The following PXDNL variants were observed in gnomAD, a reference collection of about 807,000 sequenced individuals.
PXDNL encodes the protein peroxidasin like, also known as probable oxidoreductase PXDNL.
A neutral mutation model predicts 150.8 loss-of-function variants in PXDNL; 145 were observed. The ratio of observed to expected loss-of-function variants is 0.96; its 90% CI spans 0.84 to 1.10. The LOEUF is 1.10. Ranked by LOEUF, PXDNL falls within the 50% of genes least tolerant of loss-of-function variation. The pLI, the probability that PXDNL is intolerant of heterozygous loss-of-function variation, is 0.00. For synonymous variants in PXDNL, 757 were observed against 725.7 expected, an observed-to-expected ratio of 1.04 and a Z score of -0.69; for missense variants, 2,087 against 1,873.9, an observed-to-expected ratio of 1.11 and a Z score of -2.10.
chr8:51,511,716 C>A (rs904803674), intron 4 of PXDNL, among the ~76,000 whole-genome samples: 1 of 152,178 alleles, frequency 6.6e-6, no homozygotes, highest in Non-Finnish European at 1.5e-5. Context: ...ACATCAATCA[C>A]CAACCAATCA....
intron 17 of PXDNL, among the ~76,000 whole-genome samples, chr8:51,399,709 T>C (rs2130859745): frequency 6.6e-6 from 1 of 152,340 alleles, no homozygotes; most frequent in African/African-American, 2.4e-5. Flanking sequence ...TTAAAATGTG[T>C]GCATTGTACC....
At chr8:51,679,379 C>A (rs1252039060) in intron 1 of PXDNL, among the ~76,000 whole-genome samples, 1 of 152,168 alleles carries the variant, frequency 6.6e-6, no homozygotes, top group Non-Finnish European at 1.5e-5. Flanking sequence ...CCATGAGATA[C>A]TATGATACAT....
chr8:51,706,506 A>G (rs1816381460), intron 1 of PXDNL, among the ~76,000 whole-genome samples: 1 of 152,222 alleles, frequency 6.6e-6, no homozygotes, highest in African/African-American at 2.4e-5. Context: ...GTGAGAGCTA[A>G]AGCATGAAGA....
intron 2 of PXDNL, among the ~76,000 whole-genome samples, chr8:51,605,682 C>T (rs925841708): frequency 3.3e-5 from 5 of 151,906 alleles, no homozygotes; most frequent in African/African-American, 7.3e-5. Context: ...TGAATGTGTC[C>T]CCCAAAAGTT....
At chr8:51,638,157 T>C (rs375302309) in intron 2 of PXDNL, among the ~76,000 whole-genome samples, 7 of 152,118 alleles carry the variant, frequency 4.6e-5, no homozygotes, top group African/African-American at 1.7e-4. Flanking sequence ...TGCTGAGAGA[T>C]TTTGTCACCA....
chr8:51,356,217 G>C (rs1444228432), intron 19 of PXDNL, among the ~76,000 whole-genome samples: 3 of 152,170 alleles, frequency 2.0e-5, no homozygotes, highest in Non-Finnish European at 4.4e-5. Context: ...GGCTGGGTGG[G>C]GTGGCCCATG....
chr8:51,634,246 T>C (rs1007632134), intron 2 of PXDNL, among the ~76,000 whole-genome samples: 3 of 152,060 alleles, frequency 2.0e-5, no homozygotes, highest in Admixed American at 2.0e-4. Context: ...CTTTTCCCCA[T>C]TGTTTATTTT....
intron 20 of PXDNL, among the ~76,000 whole-genome samples, chr8:51,344,263 C>A (rs1042436632): frequency 7.9e-5 from 12 of 151,568 alleles, no homozygotes; most frequent in African/African-American, 2.9e-4. Context: ...TGCTACCATG[C>A]CCAGCTAATT....
intron 21 of PXDNL, among the ~76,000 whole-genome samples, chr8:51,321,468 C>G (rs1253799349): frequency 6.6e-6 from 1 of 152,080 alleles, no homozygotes; most frequent in South Asian, 2.1e-4. Flanking sequence ...GTGTCCCCAC[C>G]CAATCTCATG....
At chr8:51,595,830 G>GA (rs71910215) in intron 2 of PXDNL, among the ~76,000 whole-genome samples, 8 of 151,210 alleles carry the variant, frequency 5.3e-5, no homozygotes, top group South Asian at 2.1e-4. Flanking sequence ...AAAACTGTAG[G>GA]AAAAAAAAAG....
intron 2 of PXDNL, among the ~76,000 whole-genome samples, chr8:51,635,923 C>A (rs1814594857): frequency 6.6e-6 from 1 of 152,038 alleles, no homozygotes; most frequent in Non-Finnish European, 1.5e-5. Flanking sequence ...AGAGCAATAT[C>A]TTTTAGTAAT....
chr8:51,611,983 T>G (rs1200652015), intron 2 of PXDNL, among the ~76,000 whole-genome samples: 1 of 152,196 alleles, frequency 6.6e-6, no homozygotes, highest in African/African-American at 2.4e-5. Flanking sequence ...TGCAGGCAGA[T>G]CTGGAAAGAC....
chr8:51,786,949 C>T (rs2037465699), intron 1 of PXDNL, among the ~76,000 whole-genome samples: 1 of 152,134 alleles, frequency 6.6e-6, no homozygotes, highest in Admixed American at 6.5e-5. Flanking sequence ...ATTTTATTTA[C>T]CCTTCTTAAG....
chr8:51,448,941 TTA>T, intron 11 of PXDNL, 59 bp downstream of exon 11: 1 of 824,992 alleles, frequency 1.2e-6, no homozygotes, highest in Non-Finnish European at 2.1e-6. Flanking sequence ...CTATTTTTTT[TTA>T]CTATCCACAA....
In PXDNL at chr8:51,565,321, A is replaced by AATAAATAAATAG. The variant is rs569762504; in HGVS notation, c.309-8411_309-8410insCTATTTATTTAT. Among the ~76,000 whole-genome samples the AATAAATAAATAG allele has an allele frequency of 9.8e-3, 1,324 of 135,502 alleles. 10 individuals are homozygous for AATAAATAAATAG. The highest frequency in any genetic ancestry group is 0.04 in the Middle Eastern group (11 of 274). 88.9% of individuals were successfully genotyped at this position (135,502 alleles called of 152,430 possible). Reference sequence around the variant, plus strand: ...AAATAAATAAATAAATAAATAAATAAATAGATAGATAGATAGATAGATAAA... The same window carrying AATAAATAAATAG: ...AAATAAATAAATAAATAAATAAATAAATAAATAAATAGATAGATAGATAGATAGATAGATAAA... On this transcript the variant is annotated intron_variant, in intron 3 of 22. Coordinates refer to ENST00000356297, the MANE Select transcript of PXDNL (RefSeq NM_144651.5).
intron 19 of PXDNL, among the ~76,000 whole-genome samples, chr8:51,350,316 G>GC (rs1195489749): frequency 8.1e-6 from 1 of 123,852 alleles, no homozygotes; most frequent in Non-Finnish European, 1.8e-5. Flanking sequence ...GAAAAGACTA[G>GC]CCCTCCCACC....
chr8:51,614,358 G>T (rs1814087644), intron 2 of PXDNL, among the ~76,000 whole-genome samples: 1 of 152,232 alleles, frequency 6.6e-6, no homozygotes, highest in Non-Finnish European at 1.5e-5. Flanking sequence ...ACCTACTCTT[G>T]TAACACGCAG....
chr8:51,423,119 G>A (rs7009158), intron 14 of PXDNL, among the ~76,000 whole-genome samples: 1 of 152,174 alleles, frequency 6.6e-6, no homozygotes, highest in Non-Finnish European at 1.5e-5. Context: ...TAAATGCCTG[G>A]AAACACTGAG....
At chr8:51,501,218 T>C (rs1456519090) in intron 4 of PXDNL, among the ~76,000 whole-genome samples, 5 of 152,164 alleles carry the variant, frequency 3.3e-5, no homozygotes, top group Admixed American at 1.3e-4. Flanking sequence ...CTGGCAATAA[T>C]TGCCTTTGGG....
Sources: allele counts gnomAD v4.1 joint callset (sites outside exome capture counted in the v4.1 genomes callset), GRCh38; gene constraint gnomAD v4.1.1; transcripts MANE v1.5; gene names NCBI Gene and HGNC (gene_info 2026-07-23, HGNC 2026-07-21).